OSBPL10: variants seen among roughly 807,000 people sequenced by gnomAD.
OSBPL10 encodes the protein oxysterol-binding protein-related protein 10.
Under a neutral mutation model 81.7 loss-of-function variants are expected in OSBPL10, and 49 were observed. The ratio of observed to expected loss-of-function variants is 0.60; its 90% CI spans 0.48 to 0.76. The LOEUF (loss-of-function observed/expected upper bound fraction) is 0.76, where lower values mean the gene tolerates loss of function less well. Ranked by LOEUF, OSBPL10 falls within the 30% of genes least tolerant of loss-of-function variation. The pLI is 0.00. For missense variants in OSBPL10, 923 were observed against 987.8 expected, an observed-to-expected ratio of 0.93 and a Z score of 0.88; for synonymous variants, 419 against 383.6, an observed-to-expected ratio of 1.09 and a Z score of -1.08.
intron 2 of OSBPL10, among the ~76,000 whole-genome samples, chr3:32,045,401 G>A (rs570751482): frequency 6.6e-6 from 1 of 152,308 alleles, no homozygotes; most frequent in African/African-American, 2.4e-5. Flanking sequence ...TAATAATAGA[G>A]TATATGCTAA....
chr3:31,678,710 A>C (rs1469080687), intron 8 of OSBPL10, among the ~76,000 whole-genome samples: 4 of 151,744 alleles, frequency 2.6e-5, no homozygotes, highest in Non-Finnish European at 4.4e-5. Context: ...ACTTCTGCTG[A>C]GTGCAGGGAA....
At position 31,845,297 on chromosome 3, in the gene OSBPL10, G is replaced by T. The variant is rs142157557; in HGVS notation, c.538-15066C>A. On this transcript the variant is annotated intron_variant, in intron 3 of 11. Transcript: ENST00000396556. ...AACATACAGAATATTTTATAATAAG[G>T]CTGCTCTTATTTCTTCTTCGTGTAG... 2.9e-3 allele frequency among the ~76,000 whole-genome samples: 437 copies of T among 152,174 alleles called. 3 individuals carry two copies. The highest frequency in any genetic ancestry group is 9.4e-3 in the African/African-American group (392 of 41,490).
chr3:31,741,510 A>G (rs1368433621), intron 5 of OSBPL10, among the ~76,000 whole-genome samples: 1 of 152,142 alleles, frequency 6.6e-6, no homozygotes, highest in Non-Finnish European at 1.5e-5. Context: ...TGATCCATCC[A>G]CCTTGGCCTC....
chr3:31,816,819 C>A (rs1371151481), intron 4 of OSBPL10, among the ~76,000 whole-genome samples: 1 of 152,118 alleles, frequency 6.6e-6, no homozygotes, highest in Non-Finnish European at 1.5e-5. Context: ...GTCAAGAGTT[C>A]AGTTCTCTGC....
At chr3:32,056,861 G>T (rs1418891001) in intron 1 of OSBPL10, among the ~76,000 whole-genome samples, 1 of 152,170 alleles carries the variant, frequency 6.6e-6, no homozygotes, top group Admixed American at 6.5e-5. Flanking sequence ...TGAGATAAGA[G>T]GTCATAAAGA....
chr3:31,730,071 G>A (rs1053073247), intron 6 of OSBPL10, among the ~76,000 whole-genome samples: 4 of 152,170 alleles, frequency 2.6e-5, no homozygotes, highest in Non-Finnish European at 5.9e-5. Flanking sequence ...GGCCGGGCAC[G>A]GTGGCTCACG....
At chr3:31,925,416 C>T (rs569638878) in intron 1 of OSBPL10, among the ~76,000 whole-genome samples, 16 of 152,256 alleles carry the variant, frequency 1.1e-4, no homozygotes, top group Middle Eastern at 6.8e-3. Context: ...TTAAACACAT[C>T]ACTTGCCCAC....
chr3:31,979,307 A>G (rs1415341462), intron 1 of OSBPL10, among the ~76,000 whole-genome samples: 2 of 152,250 alleles, frequency 1.3e-5, no homozygotes, highest in African/African-American at 2.4e-5. Flanking sequence ...TTCCACTAAC[A>G]TAGTAACACA....
At chr3:31,698,797 C>G (rs141000876) in intron 7 of OSBPL10, among the ~76,000 whole-genome samples, 29 of 152,272 alleles carry the variant, frequency 1.9e-4, no homozygotes, top group African/African-American at 6.5e-4. Context: ...AGAATCCTAC[C>G]CTGACCAGTT....
chr3:31,694,040 G>A (rs1366270902), intron 7 of OSBPL10, among the ~76,000 whole-genome samples: 1 of 152,110 alleles, frequency 6.6e-6, no homozygotes, highest in Non-Finnish European at 1.5e-5. Context: ...AAAGCACTGG[G>A]ATTACGGATG....
chr3:31,765,482 G>A (rs76221050), intron 4 of OSBPL10, among the ~76,000 whole-genome samples: 9,775 of 123,940 alleles, frequency 0.079, 638 homozygotes, highest in African/African-American at 0.19. Flanking sequence ...TCAGCTGAAA[G>A]CATGAGTGAG....
intron 1 of OSBPL10, among the ~76,000 whole-genome samples, chr3:31,911,691 G>A (rs1486218118): frequency 6.6e-6 from 1 of 151,984 alleles, no homozygotes; most frequent in Non-Finnish European, 1.5e-5. Context: ...ATTCAAAGCT[G>A]TCCTGGGCCA....
At chr3:31,915,961 T>C (rs55971637) in intron 1 of OSBPL10, among the ~76,000 whole-genome samples, 21,501 of 151,272 alleles carry the variant, frequency 0.14, 1,881 homozygotes, top group East Asian at 0.34. Context: ...CCAGGTGTGG[T>C]GGTGGGAGCC....
chr3:31,783,146 T>TACAC lies in OSBPL10; in HGVS notation c.730-35030_730-35027dup, dbSNP rs1553625121. On this transcript the variant is annotated intron_variant, in intron 4 of 11. Coordinates refer to ENST00000396556, the MANE Select transcript of OSBPL10 (RefSeq NM_017784.5). ...ATATATATATATATATATATATATA[T>TACAC]ACACACACACCATAGAATACTACTC... Among the ~76,000 whole-genome samples the TACAC allele has an allele frequency of 2.0e-3, 221 of 112,622 alleles. 1 individual carries two copies. The highest frequency in any genetic ancestry group is 6.9e-3 in the African/African-American group (177 of 25,726). 73.9% of individuals were successfully genotyped at this position (112,622 alleles called of 152,430 possible). A position where few individuals can be genotyped will look rare whatever the true frequency, so the allele number is the denominator to read the frequency against.
At chr3:31,815,309 T>G (rs559789898) in intron 4 of OSBPL10, among the ~76,000 whole-genome samples, 9 of 152,290 alleles carry the variant, frequency 5.9e-5, no homozygotes, top group East Asian at 1.9e-4. Context: ...CAGACCAAAC[T>G]GCTGATTCGT....
chr3:31,706,928 C>T (rs1696086090), intron 6 of OSBPL10, among the ~76,000 whole-genome samples: 1 of 152,160 alleles, frequency 6.6e-6, no homozygotes, highest in Admixed American at 6.5e-5. Context: ...GCTTTCCCCT[C>T]CTCAGACAGA....
chr3:32,048,554 G>A lies in OSBPL10; in HGVS notation n.186-1951C>T, dbSNP rs542727641. Among the ~76,000 whole-genome samples the A allele has an allele frequency of 3.0e-4, 46 of 152,208 alleles. No homozygotes were observed. In the East Asian group the frequency reaches 3.9e-3, roughly 13 times the overall value. On this transcript the variant is annotated intron_variant and non_coding_transcript_variant, in intron 1 of 3. Transcript: ENST00000479173. ...ACTCCTGACCTCAGGTGATCCACCC[G>A]CCTTGGCCTCCTAAAGTGGTGGGAT... is the stretch of plus-strand genomic sequence containing the variant.
intron 7 of OSBPL10, among the ~76,000 whole-genome samples, chr3:31,688,244 G>C (rs1700842441): frequency 6.9e-6 from 1 of 144,204 alleles, no homozygotes; most frequent in Admixed American, 7.0e-5. Context: ...CTGACTGACT[G>C]CCCCCATCCC....
At chr3:31,986,648 C>T (rs1241528709) in intron 2 of OSBPL10, among the ~76,000 whole-genome samples, 1 of 151,986 alleles carries the variant, frequency 6.6e-6, no homozygotes, top group Non-Finnish European at 1.5e-5. Context: ...AAAATAGGCG[C>T]CTGGCCTATT....
Sources: gnomAD v4.1 joint callset for allele counts (sites outside exome capture counted in the v4.1 genomes callset) on GRCh38, gnomAD v4.1.1 for gene constraint, MANE v1.5 for transcripts, NCBI Gene and HGNC (gene_info 2026-07-23, HGNC 2026-07-21) for gene names.